The following NCOA2 variants were observed in gnomAD, a reference collection of about 807,000 sequenced individuals.
NCOA2 encodes the protein nuclear receptor coactivator 2, also known as class E basic helix-loop-helix protein 75.
NCOA2 carries 21 observed loss-of-function variants against 145.1 expected under a neutral mutation model. The observed-to-expected ratio is 0.14, with a 90% confidence interval of 0.10 to 0.21. The LOEUF (loss-of-function observed/expected upper bound fraction) is 0.21. Ranked by LOEUF, NCOA2 falls within the 10% of genes least tolerant of loss-of-function variation. The pLI, the probability that NCOA2 is intolerant of heterozygous loss-of-function variation, is 1.00. For missense variants in NCOA2, 1,472 were observed against 1,837.6 expected, an observed-to-expected ratio of 0.80 and a Z score of 3.64; for synonymous variants, 619 against 637.5, an observed-to-expected ratio of 0.97 and a Z score of 0.44.
chr8:70,196,871 C>A lies in NCOA2; in HGVS notation c.259+17032G>T, dbSNP rs141024888. Among the ~76,000 whole-genome samples the A allele has an allele frequency of 3.3e-3, 507 of 152,228 alleles. 1 individual carries two copies. Among genetic ancestry groups the A allele is most frequent in the African/African-American group, 0.011 (476 of 41,536 alleles). ...CACAGGCTGCAGAATAACCAGACTGCGCTTTGGGTTCTAGTTTGTCACTGA... is the reference window on the plus strand; with the variant it reads ...CACAGGCTGCAGAATAACCAGACTGAGCTTTGGGTTCTAGTTTGTCACTGA... On this transcript the variant is annotated intron_variant, in intron 4 of 22. Coordinates refer to ENST00000452400, the MANE Select transcript of NCOA2 (RefSeq NM_006540.4).
chr8:70,190,623 G>A (rs1245142978), intron 4 of NCOA2, among the ~76,000 whole-genome samples: 3 of 152,162 alleles, frequency 2.0e-5, no homozygotes, highest in Non-Finnish European at 2.9e-5. Context: ...AGGCTGAGGC[G>A]GGTGGATCCC....
chr8:70,327,910 T>TC (rs941387023), intron 1 of NCOA2, among the ~76,000 whole-genome samples: 23 of 152,154 alleles, frequency 1.5e-4, no homozygotes, highest in Non-Finnish European at 3.2e-4. Context: ...GCTACATGCA[T>TC]CCCAGAGGCT....
intron 2 of NCOA2, among the ~76,000 whole-genome samples, chr8:70,243,791 G>GA (rs200949977): frequency 0.24 from 23,829 of 99,476 alleles, 3,095 homozygotes; most frequent in African/African-American, 0.4. Context: ...ATAAAAAATG[G>GA]AAAAAAAAAA....
At chr8:70,365,820 A>C (rs1430831929) in intron 1 of NCOA2, among the ~76,000 whole-genome samples, 1 of 152,214 alleles carries the variant, frequency 6.6e-6, no homozygotes, top group Non-Finnish European at 1.5e-5. Flanking sequence ...GAAATGAGTA[A>C]ATATGACAAT....
chr8:70,171,833 T>C (rs1814292218), intron 5 of NCOA2, among the ~76,000 whole-genome samples: 1 of 151,828 alleles, frequency 6.6e-6, no homozygotes, highest in South Asian at 2.1e-4. Context: ...CAGATATTTT[T>C]TATTTTTTGA....
intron 15 of NCOA2, among the ~76,000 whole-genome samples, chr8:70,132,476 T>C (rs1252448989): frequency 6.6e-6 from 1 of 152,262 alleles, no homozygotes; most frequent in Admixed American, 6.5e-5. Context: ...GCATCAGAGC[T>C]GCATTAACTT....
At chr8:70,169,933 C>T (rs547184954) in intron 6 of NCOA2, among the ~76,000 whole-genome samples, 2 of 125,928 alleles carry the variant, frequency 1.6e-5, no homozygotes, top group South Asian at 4.9e-4. Context: ...CACTTCTTGG[C>T]CTTTTGGCTA....
At chr8:70,327,128 C>T (rs16936922) in intron 1 of NCOA2, among the ~76,000 whole-genome samples, 16,857 of 152,204 alleles carry the variant, frequency 0.11, 1,386 homozygotes, top group Admixed American at 0.28. Context: ...TTAATACATT[C>T]GGCTTCTGTC....
At chr8:70,179,409 T>C (rs1224685162) in intron 4 of NCOA2, among the ~76,000 whole-genome samples, 1 of 152,082 alleles carries the variant, frequency 6.6e-6, no homozygotes, top group Non-Finnish European at 1.5e-5. Flanking sequence ...CTTGATATTA[T>C]ACCGGAGGAG....
At chr8:70,397,606 CA>C (rs1369135319) in intron 1 of NCOA2, among the ~76,000 whole-genome samples, 15 of 152,136 alleles carry the variant, frequency 9.9e-5, no homozygotes, top group African/African-American at 3.4e-4. Context: ...AGTCCTAAAG[CA>C]GCAACAATAC....
intron 1 of NCOA2, among the ~76,000 whole-genome samples, chr8:70,343,151 G>C (rs1331770148): frequency 6.6e-6 from 1 of 152,132 alleles, no homozygotes; most frequent in Non-Finnish European, 1.5e-5. Context: ...AAAGTTTCAA[G>C]GGACAAAGTC....
intron 6 of NCOA2, among the ~76,000 whole-genome samples, chr8:70,167,490 T>A (rs908479391): frequency 3.3e-5 from 5 of 152,216 alleles, no homozygotes; most frequent in African/African-American, 7.2e-5. Flanking sequence ...ATCAATACTT[T>A]ACTAACTACT....
chr8:70,399,396 G>T (rs903952783), intron 1 of NCOA2, among the ~76,000 whole-genome samples: 5 of 152,038 alleles, frequency 3.3e-5, no homozygotes, highest in East Asian at 1.9e-4. Context: ...TGAAGGTTTT[G>T]TTCCATTTTC....
At chr8:70,267,831 T>C (rs1174499617) in intron 2 of NCOA2, among the ~76,000 whole-genome samples, 1 of 152,208 alleles carries the variant, frequency 6.6e-6, no homozygotes. Context: ...ATTTATAACC[T>C]TGCTAAAAGC....
At chr8:70,433,994 A>G in the NCOA2 span, among the ~76,000 whole-genome samples, 1 of 152,246 alleles carries the variant, frequency 6.6e-6, no homozygotes. Context: ...GATTCATTAT[A>G]TAAATGAGAC....
chr8:70,318,317 T>C (rs1344365081), intron 1 of NCOA2, among the ~76,000 whole-genome samples: 1 of 152,248 alleles, frequency 6.6e-6, no homozygotes, highest in Non-Finnish European at 1.5e-5. Flanking sequence ...TGAATAGGCT[T>C]CTGAATGTTC....
At chr8:70,254,565 A>G (rs1379558003) in intron 2 of NCOA2, among the ~76,000 whole-genome samples, 1 of 152,196 alleles carries the variant, frequency 6.6e-6, no homozygotes, top group African/African-American at 2.4e-5. Context: ...ACATAAACGA[A>G]CCTTGAAGAT....
chr8:70,282,422 A>G lies in NCOA2; in HGVS notation c.-20+14322T>C, dbSNP rs112677180. On this transcript the variant is annotated intron_variant, in intron 2 of 22. Transcript: ENST00000452400. ...GCCATAAGGCCGGGCACGGAGGCTC[A>G]TGCCTTTAATCCCAACACTTTGGGA... is the stretch of plus-strand genomic sequence containing the variant. Among the ~76,000 whole-genome samples the G allele has an allele frequency of 4.2e-3, 642 of 152,342 alleles. 5 individuals are homozygous for G. Among genetic ancestry groups the G allele is most frequent in the African/African-American group, 0.015 (613 of 41,574 alleles).
intron 2 of NCOA2, among the ~76,000 whole-genome samples, chr8:70,284,575 C>T (rs1826108377): frequency 6.6e-6 from 1 of 152,164 alleles, no homozygotes; most frequent in Admixed American, 6.6e-5. Context: ...TTCTCCCATC[C>T]CCCTTTGTTA....
Sources: gnomAD v4.1 joint callset for allele counts (sites outside exome capture counted in the v4.1 genomes callset) on GRCh38, gnomAD v4.1.1 for gene constraint, MANE v1.5 for transcripts, NCBI Gene and HGNC (gene_info 2026-07-23, HGNC 2026-07-21) for gene names.